FGF14: variants seen among roughly 807,000 people sequenced by gnomAD.
FGF14 encodes the protein fibroblast growth factor homologous factor 4.
In FGF14, 5 loss-of-function variants were observed where a neutral mutation model predicts 25.5. The observed-to-expected ratio is 0.20, with a 90% CI of 0.10 to 0.41. The LOEUF (loss-of-function observed/expected upper bound fraction) is 0.41. Among genes scored for constraint, FGF14 ranks in the 10% least tolerant of loss-of-function variants. The probability of loss-of-function intolerance (pLI) is 1.00; values close to 1 mark genes in which losing one functional copy is unlikely to be tolerated. For synonymous variants in FGF14, 138 were observed against 118.3 expected (o/e 1.17, Z -1.08); for missense variants, 222 against 320.1 (o/e 0.69, Z 2.34).
chr13:102,289,968 T>A (rs2054298233), intron 1 of FGF14, among the ~76,000 whole-genome samples: 1 of 152,120 alleles, frequency 6.6e-6, no homozygotes, highest in Non-Finnish European at 1.5e-5. Flanking sequence ...CGTGGTAGCC[T>A]GAGAGGGTTA....
chr13:101,920,811 C>T (rs944989923), upstream of FGF14, among the ~76,000 whole-genome samples: 1 of 152,124 alleles, frequency 6.6e-6, no homozygotes, highest in African/African-American at 2.4e-5. Flanking sequence ...AACTGAGTCC[C>T]GTAAGCCTAC....
At chr13:102,014,714 T>C (rs1241778506) in intron 1 of FGF14, among the ~76,000 whole-genome samples, 1 of 152,174 alleles carries the variant, frequency 6.6e-6, no homozygotes, top group Non-Finnish European at 1.5e-5. Flanking sequence ...ATTTCGTATG[T>C]AAATGATTAT....
chr13:101,750,878 CA>C (rs142252311), intron 3 of FGF14, among the ~76,000 whole-genome samples: 397 of 152,096 alleles, frequency 2.6e-3, no homozygotes, highest in African/African-American at 8.6e-3. Flanking sequence ...ATAAAGCCAT[CA>C]AAAAATATGA....
chr13:101,827,859 C>T (rs1294511499), intron 3 of FGF14, among the ~76,000 whole-genome samples: 2 of 149,804 alleles, frequency 1.3e-5, no homozygotes, highest in Admixed American at 6.7e-5. Context: ...TACTCAGAGT[C>T]ATTAACCTAA....
chr13:101,991,048 C>A (rs956952567), intron 1 of FGF14, among the ~76,000 whole-genome samples: 1 of 152,064 alleles, frequency 6.6e-6, no homozygotes, highest in East Asian at 1.9e-4. Flanking sequence ...GAGCACAATA[C>A]TTCTTTAACC....
chr13:102,274,236 T>G (rs886553720), intron 1 of FGF14, among the ~76,000 whole-genome samples: 2 of 152,192 alleles, frequency 1.3e-5, no homozygotes, highest in Admixed American at 1.3e-4. Context: ...TCAAACATGC[T>G]TTTTGGATAC....
At chr13:101,983,652 T>C (rs1437109584) in intron 1 of FGF14, among the ~76,000 whole-genome samples, 1 of 152,214 alleles carries the variant, frequency 6.6e-6, no homozygotes, top group African/African-American at 2.4e-5. Context: ...TTAGTTGGAA[T>C]ACTTTATGAA....
chr13:101,988,151 A>G (rs2139654811), intron 1 of FGF14, among the ~76,000 whole-genome samples: 1 of 152,212 alleles, frequency 6.6e-6, no homozygotes, highest in East Asian at 1.9e-4. Flanking sequence ...GGTCTTAGAT[A>G]GTTGTAGCAG....
At chr13:102,072,188 G>C (rs1354460869) in intron 1 of FGF14, among the ~76,000 whole-genome samples, 1 of 152,134 alleles carries the variant, frequency 6.6e-6, no homozygotes, top group Non-Finnish European at 1.5e-5. Flanking sequence ...GAGATAGAAG[G>C]GGGAGAGAAG....
chr13:101,844,745 C>T (rs530269555), intron 3 of FGF14, among the ~76,000 whole-genome samples: 1 of 152,134 alleles, frequency 6.6e-6, no homozygotes, highest in South Asian at 2.1e-4. Flanking sequence ...ATATCACATA[C>T]AGCTATTTGC....
At chr13:102,358,894 T>A (rs987951895) in intron 1 of FGF14, among the ~76,000 whole-genome samples, 1 of 152,154 alleles carries the variant, frequency 6.6e-6, no homozygotes, top group African/African-American at 2.4e-5. Context: ...CCACTATTCA[T>A]AATAGTGAAT....
intron 1 of FGF14, among the ~76,000 whole-genome samples, chr13:102,054,765 T>C (rs1450811466): frequency 1.3e-5 from 2 of 152,182 alleles, no homozygotes; most frequent in Non-Finnish European, 2.9e-5. Flanking sequence ...CTACCTCTCC[T>C]CCCACCACAG....
At chr13:102,229,445 G>T (rs2050979404) in intron 1 of FGF14, among the ~76,000 whole-genome samples, 1 of 152,142 alleles carries the variant, frequency 6.6e-6, no homozygotes, top group South Asian at 2.1e-4. Context: ...TAGGAGAAAT[G>T]AACTTATATT....
intron 1 of FGF14, among the ~76,000 whole-genome samples, chr13:102,374,618 AT>A (rs199752992): frequency 0.019 from 2,482 of 130,794 alleles, 66 homozygotes; most frequent in Admixed American, 0.066. Flanking sequence ...TATTTCACAT[AT>A]TTTTTAATAC....
intron 1 of FGF14, among the ~76,000 whole-genome samples, chr13:102,246,106 A>G (rs2051853759): frequency 1.3e-5 from 2 of 152,062 alleles, no homozygotes; most frequent in Admixed American, 6.6e-5. Flanking sequence ...AGAAAGTTCA[A>G]GTAATTTAGC....
Position 102,005,765 on chromosome 13 carries a change from C to G in FGF14, c.209-130469G>C, listed in dbSNP as rs4144121. ...ATAAATGTCAATCTTTCCTGAAATA[C>G]TATTCCTGATATAATTTGTAATCTG... On this transcript the variant is annotated intron_variant, in intron 1 of 4. Coordinates refer to the FGF14 transcript ENST00000376131. Among the ~76,000 whole-genome samples, 4 of 152,100 alleles carry G rather than the reference C, an allele frequency of 2.6e-5. No individual in the cohort carries two copies. The South Asian group carries it at 8.3e-4, about 32-fold the overall frequency.
In FGF14 at chr13:101,916,545, C is replaced by T. The variant is rs867722610; in HGVS notation, c.101G>A (p.Ser34Asn). The change falls in exon 1 of 5, where the codon AGC (serine) becomes AAC (asparagine). Residue 34 changes from serine (S) to asparagine (N), a missense_variant. By Grantham distance (46) the Ser-to-Asn change is conservative. Around this residue, in one of 5 missense-constraint regions of FGF14, gnomAD observed 80 missense variants for 72.2 expected, o/e 1.11. Coordinates refer to ENST00000376143, the MANE Select transcript of FGF14 (RefSeq NM_004115.4). ...PSASRRRSSP[S>N]KNRGLCNGNL... ...GCCGTTGCAGAGCCCGCGGTTCTTGCTGGGGCTGCTCCGCCTCCTGCTGGC... is the reference window on the plus strand; with the variant it reads ...GCCGTTGCAGAGCCCGCGGTTCTTGTTGGGGCTGCTCCGCCTCCTGCTGGC... 1.9e-6 allele frequency: 3 copies of T among 1,613,410 alleles called. No homozygotes were observed. In the African/African-American group the frequency reaches 4.0e-5, roughly 22 times the overall value.
chr13:101,774,114 G>A (rs1278581504), intron 3 of FGF14, among the ~76,000 whole-genome samples: 1 of 152,054 alleles, frequency 6.6e-6, no homozygotes, highest in African/African-American at 2.4e-5. Context: ...CTGTCATTGA[G>A]AAATGCTACC....
chr13:101,998,144 A>G (rs896425467), intron 1 of FGF14, among the ~76,000 whole-genome samples: 1 of 152,212 alleles, frequency 6.6e-6, no homozygotes, highest in Non-Finnish European at 1.5e-5. Context: ...CTTCTCAAAA[A>G]AAACTAAATT....
Sources: allele counts gnomAD v4.1 joint callset (sites outside exome capture counted in the v4.1 genomes callset), GRCh38; gene constraint gnomAD v4.1.1; regional missense constraint gnomAD v4.1.1; transcripts MANE v1.5; gene names NCBI Gene and HGNC (gene_info 2026-07-23, HGNC 2026-07-21).